The following CADM2 variants were observed in gnomAD, a reference collection of about 807,000 sequenced individuals.
The protein encoded by CADM2 is cell adhesion molecule 2.
A neutral mutation model predicts 49.8 loss-of-function variants in CADM2; 12 were observed. The ratio of observed to expected loss-of-function variants is 0.24; its 90% confidence interval spans 0.15 to 0.39. CADM2 has a LOEUF of 0.39. CADM2 is among the 10% of genes least tolerant of loss of function. CADM2 has a pLI of 1.00. For missense variants in CADM2, 378 were observed against 492.3 expected (o/e 0.77, Z 2.20); for synonymous variants, 214 against 175.4 (o/e 1.22, Z -1.74).
intron 1 of CADM2, among the ~76,000 whole-genome samples, chr3:85,148,649 C>T (rs1025498188): frequency 3.3e-5 from 5 of 152,112 alleles, no homozygotes; most frequent in African/African-American, 1.2e-4. Context: ...TTTTGACTCA[C>T]CCAAAGCTTA....
chr3:85,411,864 G>T (rs966213381), intron 1 of CADM2, among the ~76,000 whole-genome samples: 4 of 152,042 alleles, frequency 2.6e-5, no homozygotes, highest in Admixed American at 2.0e-4. Flanking sequence ...TTGAGATGGG[G>T]TCTCAATCTT....
rs1267364860 is a variant in CADM2 at position 85,311,276 on chromosome 3, ACTAT to A, written c.61+351612_61+351615del. ...AAAGCATGCTGTTTTGCTTTTTAAC[ACTAT>A]CTACATAAAAACTGAAATAATAAAC... is the stretch of plus-strand genomic sequence containing the variant. On this transcript the variant is annotated intron_variant, in intron 1 of 9. Transcript: ENST00000383699. Among the ~76,000 whole-genome samples the A allele has an allele frequency of 3.3e-5, 5 of 152,012 alleles. No homozygotes were observed. In the East Asian group the frequency reaches 5.8e-4, roughly 18 times the overall value.
At chr3:85,717,388 A>G (rs560380170) in intron 1 of CADM2, among the ~76,000 whole-genome samples, 2 of 152,232 alleles carry the variant, frequency 1.3e-5, no homozygotes, top group African/African-American at 2.4e-5. Context: ...TTAAGGATTT[A>G]GGGGGCTGAG....
At chr3:85,881,584 T>A (rs146458054) in intron 3 of CADM2, among the ~76,000 whole-genome samples, 5 of 152,298 alleles carry the variant, frequency 3.3e-5, no homozygotes, top group East Asian at 3.9e-4. Flanking sequence ...GTGGTTCTAA[T>A]GAGAATTTAA....
chr3:85,580,924 A>G (rs923002965), intron 1 of CADM2, among the ~76,000 whole-genome samples: 16 of 152,078 alleles, frequency 1.1e-4, no homozygotes, highest in African/African-American at 3.9e-4. Context: ...TTTTACTATT[A>G]TATGTAGATT....
At chr3:85,808,896 G>A (rs1039910554) in intron 3 of CADM2, among the ~76,000 whole-genome samples, 1 of 152,162 alleles carries the variant, frequency 6.6e-6, no homozygotes, top group South Asian at 2.1e-4. Context: ...CCGATAAAGA[G>A]AAGAAAAATG....
intron 3 of CADM2, among the ~76,000 whole-genome samples, chr3:85,868,475 T>A (rs1419351263): frequency 6.6e-6 from 1 of 152,136 alleles, no homozygotes; most frequent in African/African-American, 2.4e-5. Context: ...GTTATCTTGA[T>A]TGCCTAATGA....
chr3:85,699,770 G>A (rs895839626), intron 1 of CADM2, among the ~76,000 whole-genome samples: 7 of 152,174 alleles, frequency 4.6e-5, no homozygotes, highest in African/African-American at 1.4e-4. Flanking sequence ...ATGCCTTTAG[G>A]CCTTTCCCCC....
At chr3:85,647,617 A>T (rs2064926454) in intron 1 of CADM2, among the ~76,000 whole-genome samples, 1 of 151,794 alleles carries the variant, frequency 6.6e-6, no homozygotes, top group African/African-American at 2.4e-5. Flanking sequence ...GCTTTTTTAA[A>T]ATTGACTTTT....
intron 1 of CADM2, among the ~76,000 whole-genome samples, chr3:85,139,599 T>C (rs914420053): frequency 6.6e-6 from 1 of 152,120 alleles, no homozygotes; most frequent in Non-Finnish European, 1.5e-5. Context: ...ATACTTATTC[T>C]ATGTAGATTT....
intron 2 of CADM2, among the ~76,000 whole-genome samples, chr3:85,734,514 CACAT>C (rs1216109520): frequency 1.4e-5 from 2 of 144,326 alleles, no homozygotes; most frequent in Non-Finnish European, 3.1e-5. Flanking sequence ...TATAATTTGA[CACAT>C]ACACACATAC....
chr3:85,260,172 T>C (rs909619192), intron 1 of CADM2, among the ~76,000 whole-genome samples: 2 of 152,120 alleles, frequency 1.3e-5, no homozygotes, highest in African/African-American at 4.8e-5. Context: ...TTTAAATTAG[T>C]TTGGCATGAA....
chr3:84,998,887 A>G (rs759639599), intron 1 of CADM2, among the ~76,000 whole-genome samples: 9 of 152,312 alleles, frequency 5.9e-5, no homozygotes, highest in Non-Finnish European at 5.9e-5. Flanking sequence ...TTTATTTGTT[A>G]CATTATTTTC....
intron 1 of CADM2, among the ~76,000 whole-genome samples, chr3:85,290,246 C>T (rs374585578): frequency 6.6e-5 from 10 of 152,160 alleles, no homozygotes; most frequent in South Asian, 4.1e-4. Context: ...TAAAAAATGG[C>T]GCACCACGAG....
chr3:85,859,631 A>G (rs961759970), intron 3 of CADM2, among the ~76,000 whole-genome samples: 4 of 152,092 alleles, frequency 2.6e-5, no homozygotes, highest in Non-Finnish European at 5.9e-5. Context: ...CTCAAACACT[A>G]TCACTTTGTT....
chr3:85,419,642 C>A (rs1017623973), intron 1 of CADM2, among the ~76,000 whole-genome samples: 1 of 152,146 alleles, frequency 6.6e-6, no homozygotes, highest in Non-Finnish European at 1.5e-5. Flanking sequence ...CTCCCTACTC[C>A]TACAAACTTC....
chr3:85,900,366 A>C (rs534965763), intron 5 of CADM2, among the ~76,000 whole-genome samples: 6 of 152,282 alleles, frequency 3.9e-5, no homozygotes, highest in African/African-American at 1.4e-4. Context: ...AGGGAAACAC[A>C]TCCATACCTA....
intron 1 of CADM2, among the ~76,000 whole-genome samples, chr3:85,270,724 A>G (rs2043221713): frequency 6.6e-6 from 1 of 151,410 alleles, no homozygotes; most frequent in South Asian, 2.1e-4. Context: ...GTCCAAGGGC[A>G]TAAAAAAGCT....
At chr3:84,983,028 T>C (rs1325333523) in intron 1 of CADM2, among the ~76,000 whole-genome samples, 2 of 152,022 alleles carry the variant, frequency 1.3e-5, no homozygotes, top group African/African-American at 2.4e-5. Flanking sequence ...ATTACAGGCC[T>C]GAGCCACTGC....
Sources: allele counts gnomAD v4.1 joint callset (sites outside exome capture counted in the v4.1 genomes callset), GRCh38; gene constraint gnomAD v4.1.1; transcripts MANE v1.5; gene names NCBI Gene and HGNC (gene_info 2026-07-23, HGNC 2026-07-21).